Variants in RNF6 observed in about 807,000 individuals in gnomAD.
RNF6 encodes the protein ring finger protein 6, also known as E3 ubiquitin-protein ligase RNF6.
In RNF6, 21 loss-of-function variants were observed where a neutral mutation model predicts 50.1. The ratio of observed to expected loss-of-function variants is 0.42; its 90% CI spans 0.30 to 0.60. The LOEUF is 0.60. Among genes scored for constraint, RNF6 ranks in the 20% least tolerant of loss-of-function variants. The probability of loss-of-function intolerance (pLI) is 0.20; values close to 1 mark genes in which losing one functional copy is unlikely to be tolerated. For synonymous variants in RNF6, 255 were observed against 291.8 expected (o/e 0.87, Z 1.29); for missense variants, 698 against 838.2 (o/e 0.83, Z 2.07).
In RNF6 at chr13:26,213,214, T is replaced by C. The variant is rs1333559492; in HGVS notation, c.*610A>G. 1.3e-5 allele frequency: 2 copies of C among 152,634 alleles called. No homozygotes were observed. Among genetic ancestry groups the C allele is most frequent in the African/African-American group, 4.8e-5 (2 of 41,462 alleles). 9.5% of individuals were successfully genotyped at this position (152,634 alleles called of 1,614,324 possible). A position where few individuals can be genotyped will look rare whatever the true frequency, so the allele number is the denominator to read the frequency against. On this transcript the variant is annotated 3_prime_UTR_variant, in exon 5 of 5. Coordinates refer to ENST00000381588, the MANE Select transcript of RNF6 (RefSeq NM_005977.4). ...AGATGAACTTGCCAATATTAAACAT[T>C]GTGCCATATGCAGTATTAGCCCAAA... is the stretch of plus-strand genomic sequence containing the variant.
rs749089662 is a variant in RNF6 at position 26,149,870 on chromosome 13, G to GTA, written n.769-17421_769-17420dup. On this transcript the variant is annotated intron_variant and non_coding_transcript_variant, in intron 5 of 5. Coordinates refer to the RNF6 transcript ENST00000468480. ...CACAGTGTATATATAATGTGTGTGT[G>GTA]TATATATATATATATATATATATAC... Among the ~76,000 whole-genome samples, 364 of 73,958 alleles carry GTA rather than the reference G, an allele frequency of 4.9e-3. 30 individuals carry two copies. Among genetic ancestry groups the GTA allele is most frequent in the Middle Eastern group, 0.015 (2 of 136 alleles). The allele number at this position is 73,958 out of a possible 152,430, so 48.5% of individuals were successfully genotyped here. A position where few individuals can be genotyped will look rare whatever the true frequency, so the allele number is the denominator to read the frequency against.
intron 5 of RNF6, among the ~76,000 whole-genome samples, chr13:26,148,020 T>C (rs188141586): frequency 1.3e-5 from 2 of 152,250 alleles, no homozygotes; most frequent in East Asian, 3.8e-4. Flanking sequence ...GGGTAATTTA[T>C]AAAGGAAAGA....
intron 5 of RNF6, among the ~76,000 whole-genome samples, chr13:26,164,907 A>G (rs1341154904): frequency 1.3e-5 from 2 of 152,238 alleles, no homozygotes; most frequent in East Asian, 3.8e-4. Context: ...TAGAAAAGAA[A>G]ATGCCATTTT....
rs140231578 is a variant in RNF6 at position 26,186,262 on chromosome 13, G to T, written n.768+29212C>A. Among the ~76,000 whole-genome samples the T allele has an allele frequency of 7.2e-3, 1,093 of 152,352 alleles. 6 individuals carry two copies. The highest frequency in any genetic ancestry group is 0.025 in the African/African-American group (1,048 of 41,584). On this transcript the variant is annotated intron_variant and non_coding_transcript_variant, in intron 5 of 5. Transcript: ENST00000468480. ...AAAGCAAGCGATCAAAACATTTCTG[G>T]AAATCTGACACATCTGGAGTGCCGT...
At chr13:26,210,653 T>C (rs1470030524), downstream of RNF6, among the ~76,000 whole-genome samples, 1 of 152,150 alleles carries the variant, frequency 6.6e-6, no homozygotes, top group African/African-American at 2.4e-5. Context: ...CCCAAGGCAT[T>C]TCCACTTCTC....
At chr13:26,172,376 A>G (rs1872734662) in intron 5 of RNF6, among the ~76,000 whole-genome samples, 1 of 152,220 alleles carries the variant, frequency 6.6e-6, no homozygotes, top group Non-Finnish European at 1.5e-5. Flanking sequence ...AATTCAAAAG[A>G]AAACATTGGT....
chr13:26,137,548 T>C (rs1274942295), intron 5 of RNF6, among the ~76,000 whole-genome samples: 2 of 151,772 alleles, frequency 1.3e-5, no homozygotes, highest in Non-Finnish European at 2.9e-5. Flanking sequence ...TTTTTATCAG[T>C]TATGTTGAGT....
intron 5 of RNF6, among the ~76,000 whole-genome samples, chr13:26,179,830 C>A (rs1001756144): frequency 6.6e-6 from 1 of 152,162 alleles, no homozygotes; most frequent in Non-Finnish European, 1.5e-5. Flanking sequence ...GAACTTTCAC[C>A]AGAATACACT....
At chr13:26,152,951 G>A (rs1175459888) in intron 5 of RNF6, among the ~76,000 whole-genome samples, 4 of 151,898 alleles carry the variant, frequency 2.6e-5, no homozygotes, top group Non-Finnish European at 5.9e-5. Flanking sequence ...TCAGGAGTTC[G>A]AGACCAGCCT....
downstream of RNF6, among the ~76,000 whole-genome samples, chr13:26,209,800 T>C (rs867381301): frequency 3.3e-5 from 5 of 151,114 alleles, no homozygotes; most frequent in Admixed American, 1.3e-4. Context: ...TATATATATA[T>C]ACTGGGCAGC....
intron 5 of RNF6, among the ~76,000 whole-genome samples, chr13:26,200,967 C>T (rs1202753469): frequency 6.6e-6 from 1 of 152,154 alleles, no homozygotes; most frequent in African/African-American, 2.4e-5. Context: ...TATGATTCAG[C>T]AATTCTGTTT....
At chr13:26,206,493 C>T (rs539456334) in intron 5 of RNF6, among the ~76,000 whole-genome samples, 77 of 152,254 alleles carry the variant, frequency 5.1e-4, no homozygotes, top group South Asian at 2.5e-3. Context: ...ACTTTCAGGA[C>T]CATTGGATTT....
intron 5 of RNF6, among the ~76,000 whole-genome samples, chr13:26,139,410 G>C (rs1870818280): frequency 6.6e-6 from 1 of 152,074 alleles, no homozygotes; most frequent in Non-Finnish European, 1.5e-5. Context: ...GACCAAACCT[G>C]ATGTTTTCCC....
At chr13:26,192,454 C>G (rs1192506017) in intron 5 of RNF6, among the ~76,000 whole-genome samples, 3 of 152,216 alleles carry the variant, frequency 2.0e-5, no homozygotes, top group Non-Finnish European at 2.9e-5. Context: ...TCCCTGCCAT[C>G]TGGTATTCAT....
intron 5 of RNF6, among the ~76,000 whole-genome samples, chr13:26,183,891 T>A (rs11617261): frequency 0.072 from 1,658 of 23,084 alleles, 17 homozygotes; most frequent in South Asian, 0.21. Flanking sequence ...TAGGTTTTTT[T>A]ATACTTATTT....
In RNF6 at chr13:26,213,807, G is replaced by T. The variant is rs755801417; in HGVS notation, c.*17C>A. 1.9e-6 allele frequency: 3 copies of T among 1,568,562 alleles called. No homozygotes were observed. The highest frequency in any genetic ancestry group is 2.4e-5 in the South Asian group (2 of 84,014). On this transcript the variant is annotated 3_prime_UTR_variant, in exon 5 of 5. Coordinates refer to ENST00000381588, the MANE Select transcript of RNF6 (RefSeq NM_005977.4). Reference sequence around the variant, plus strand: ...TCAGTTCTACTAAAAAACAGTATTTGAGTAGATCCCATCACCTTACCCATT... The same window carrying T: ...TCAGTTCTACTAAAAAACAGTATTTTAGTAGATCCCATCACCTTACCCATT...
chr13:26,148,906 C>T (rs1206628880), intron 5 of RNF6, among the ~76,000 whole-genome samples: 1 of 151,344 alleles, frequency 6.6e-6, no homozygotes, highest in South Asian at 2.1e-4. Flanking sequence ...AGCCAATGTC[C>T]CAGTTTGAAG....
chr13:26,170,110 G>C (rs956487743), intron 5 of RNF6, among the ~76,000 whole-genome samples: 6 of 152,124 alleles, frequency 3.9e-5, no homozygotes, highest in African/African-American at 1.4e-4. Flanking sequence ...AACACTAAGG[G>C]AGTATGTTTA....
At chr13:26,157,272 A>T (rs2137599629) in intron 5 of RNF6, among the ~76,000 whole-genome samples, 1 of 152,280 alleles carries the variant, frequency 6.6e-6, no homozygotes, top group South Asian at 2.1e-4. Context: ...AATAAATTTT[A>T]AAAATTTTAA....
Sources: gnomAD v4.1 joint callset for allele counts (sites outside exome capture counted in the v4.1 genomes callset) on GRCh38, gnomAD v4.1.1 for gene constraint, MANE v1.5 for transcripts, NCBI Gene and HGNC (gene_info 2026-07-23, HGNC 2026-07-21) for gene names.